The following RERE variants were observed in gnomAD, a reference collection of about 807,000 sequenced individuals.
The protein encoded by RERE is arginine-glutamic acid dipeptide repeats protein.
Under a neutral mutation model 146.1 loss-of-function variants are expected in RERE, and 40 were observed. The observed-to-expected ratio is 0.27, with a 90% CI of 0.21 to 0.36. RERE has a LOEUF of 0.36. Ranked by LOEUF, RERE falls within the 10% of genes least tolerant of loss-of-function variation. The pLI is 1.00. For missense variants in RERE, 1,933 were observed against 2,138.7 expected, an observed-to-expected ratio of 0.90 and a Z score of 1.90; for synonymous variants, 1,003 against 866.0, an observed-to-expected ratio of 1.16 and a Z score of -2.78.
chr1:8,566,257 C>G (rs565675676), intron 4 of RERE, among the ~76,000 whole-genome samples: 213 of 152,310 alleles, frequency 1.4e-3, no homozygotes, highest in African/African-American at 4.8e-3. Context: ...CAGCTCCCCT[C>G]AGGTGGCCAC....
intron 11 of RERE, among the ~76,000 whole-genome samples, chr1:8,462,944 A>G (rs1018461799): frequency 2.0e-5 from 3 of 152,158 alleles, no homozygotes; most frequent in Non-Finnish European, 2.9e-5. Flanking sequence ...ACTGGGAGGA[A>G]AAAAGGGGGA....
intron 12 of RERE, among the ~76,000 whole-genome samples, chr1:8,372,642 TCACAA>T (rs1642085262): frequency 6.6e-6 from 1 of 152,230 alleles, no homozygotes; most frequent in Non-Finnish European, 1.5e-5. Flanking sequence ...TCTTCCACTG[TCACAA>T]CACAGTTTTA....
intron 12 of RERE, among the ~76,000 whole-genome samples, chr1:8,373,141 A>G (rs1642106726): frequency 6.6e-6 from 1 of 152,232 alleles, no homozygotes; most frequent in African/African-American, 2.4e-5. Flanking sequence ...ACCCCATCGC[A>G]GAGTCTTAGA....
At chr1:8,529,742 T>C (rs1198429238) in intron 7 of RERE, among the ~76,000 whole-genome samples, 1 of 152,064 alleles carries the variant, frequency 6.6e-6, no homozygotes, top group African/African-American at 2.4e-5. Context: ...ATCTCAAGAA[T>C]ATAGGATCAG....
chr1:8,501,748 C>T lies in RERE; in HGVS notation c.880-4219G>A, dbSNP rs1477871301. Among the ~76,000 whole-genome samples the T allele has an allele frequency of 5.6e-5, 7 of 125,526 alleles. No individual in the cohort carries two copies. In the East Asian group the frequency reaches 1.0e-3, roughly 19 times the overall value. 82.3% of individuals were successfully genotyped at this position (125,526 alleles called of 152,430 possible). A position where few individuals can be genotyped will look rare whatever the true frequency, so the allele number is the denominator to read the frequency against. On this transcript the variant is annotated intron_variant, in intron 8 of 22. Transcript: ENST00000400908. ...CCCCCGCCCGGCCAGCCGCCCCGTC[C>T]GGGAGGGAGGTGGGGGGATCAGCCC...
intron 2 of RERE, among the ~76,000 whole-genome samples, chr1:8,654,630 G>GTTTTT (rs978497523): frequency 3.6e-5 from 5 of 140,354 alleles, no homozygotes; most frequent in African/African-American, 7.7e-5. Flanking sequence ...ATCTTGTTTT[G>GTTTTT]TTTTTTTTTG....
intron 1 of RERE, among the ~76,000 whole-genome samples, chr1:8,801,987 T>A (rs550261049): frequency 1.3e-5 from 2 of 152,338 alleles, no homozygotes; most frequent in African/African-American, 2.4e-5. Flanking sequence ...GGAATTTTTT[T>A]AAATTCAAGA....
At chr1:8,659,421 G>C (rs1436086195) in intron 1 of RERE, among the ~76,000 whole-genome samples, 15 of 152,238 alleles carry the variant, frequency 9.9e-5, no homozygotes, top group Non-Finnish European at 2.9e-5. Flanking sequence ...GCTGGGTGCA[G>C]TGATGGGTGC....
chr1:8,731,118 C>T (rs1447014192), intron 1 of RERE, among the ~76,000 whole-genome samples: 2 of 152,132 alleles, frequency 1.3e-5, no homozygotes, highest in East Asian at 1.9e-4. Context: ...AACCAGTAAG[C>T]AATACAGTAA....
intron 11 of RERE, chr1:8,424,152 G>A (rs1643971361): frequency 6.6e-6 from 1 of 152,184 alleles, no homozygotes; most frequent in South Asian, 2.1e-4. Flanking sequence ...CCTCAGCTGC[G>A]AAACGGGGGG....
At chr1:8,747,439 T>TG (rs1640444943) in intron 1 of RERE, among the ~76,000 whole-genome samples, 1 of 152,120 alleles carries the variant, frequency 6.6e-6, no homozygotes, top group African/African-American at 2.4e-5. Flanking sequence ...CCAGAGGTGA[T>TG]GAAGGCTCAA....
At chr1:8,582,856 T>C (rs1481155613) in intron 4 of RERE, among the ~76,000 whole-genome samples, 1 of 152,038 alleles carries the variant, frequency 6.6e-6, no homozygotes, top group Non-Finnish European at 1.5e-5. Context: ...CCAATTAGGG[T>C]ACTGATTTAA....
At chr1:8,752,320 C>G in intron 1 of RERE, among the ~76,000 whole-genome samples, 1 of 151,934 alleles carries the variant, frequency 6.6e-6, no homozygotes, top group Admixed American at 6.6e-5. Context: ...GTTTCATATT[C>G]TTGTACTAAA....
chr1:8,569,158 G>A (rs1355077762), intron 4 of RERE, among the ~76,000 whole-genome samples: 2 of 142,624 alleles, frequency 1.4e-5, no homozygotes, highest in African/African-American at 2.6e-5. Context: ...CATAAAGGAA[G>A]AAAAAAATAG....
In RERE at chr1:8,497,528, G is replaced by A; in HGVS notation, c.881C>T (p.Ala294Val). 6.2e-7 allele frequency: 1 copy of A among 1,614,036 alleles called. No homozygotes were observed. The change falls in exon 9 of 23, where the codon GCC (alanine) becomes GTC (valine). Residue 294 changes from alanine to valine, a missense_variant and splice_region_variant. Ala to Val is a moderately conservative substitution (Grantham distance 64, BLOSUM62 0). This residue lies in a region of RERE where 260 missense variants were observed against 378.4 expected (regional missense o/e 0.69). Coordinates refer to ENST00000400908, the MANE Select transcript of RERE (RefSeq NM_001042681.2). ...GEIRVGPSHQ[A>V]KLPDLQPFPS... ...AAATGGTTGCAGATCTGGAAGTTTG[G>A]CCTGTAAGACAGGGATGAGTAAGTC...
intron 9 of RERE, among the ~76,000 whole-genome samples, chr1:8,496,635 GCCTGCTCTGTGACA>G (rs1206606391): frequency 1.3e-5 from 2 of 152,298 alleles, no homozygotes; most frequent in East Asian, 1.9e-4. Context: ...AAGTCTGCCT[GCCTGCTCTGTGACA>G]CCTGCTCTGT....
At position 8,736,710 on chromosome 1, in the gene RERE, C is replaced by T. The variant is rs904040795; in HGVS notation, c.-144-80269G>A. ...TCACATTTCAACTTCCATCATTTTA[C>T]CCAAGGGACAGTCAAGTAAAGTAAA... is the stretch of plus-strand genomic sequence containing the variant. On this transcript the variant is annotated intron_variant, in intron 1 of 22. Coordinates refer to ENST00000400908, the MANE Select transcript of RERE (RefSeq NM_001042681.2). Among the ~76,000 whole-genome samples the T allele has an allele frequency of 2.0e-5, 3 of 152,022 alleles. No homozygotes were observed. The South Asian group carries it at 6.2e-4, about 32-fold the overall frequency.
At chr1:8,411,624 T>A (rs191493429) in intron 12 of RERE, among the ~76,000 whole-genome samples, 2 of 152,166 alleles carry the variant, frequency 1.3e-5, no homozygotes, top group African/African-American at 4.8e-5. Flanking sequence ...AGAGTGAGCT[T>A]TGGATACATG....
At chr1:8,691,056 C>T (rs1639196615) in intron 1 of RERE, among the ~76,000 whole-genome samples, 1 of 152,068 alleles carries the variant, frequency 6.6e-6, no homozygotes, top group South Asian at 2.1e-4. Flanking sequence ...CACCACCACG[C>T]CCAGCTAATC....
Sources: allele counts gnomAD v4.1 joint callset (sites outside exome capture counted in the v4.1 genomes callset), GRCh38; gene constraint gnomAD v4.1.1; regional missense constraint gnomAD v4.1.1; transcripts MANE v1.5; gene names NCBI Gene and HGNC (gene_info 2026-07-23, HGNC 2026-07-21).